EHMT1: variants seen among roughly 807,000 people sequenced by gnomAD.
EHMT1 encodes euchromatic histone lysine methyltransferase 1.
EHMT1 carries 15 observed loss-of-function variants against 147.2 expected under a neutral mutation model. That is an observed-to-expected ratio of 0.10 (90% CI 0.07 to 0.16). The LOEUF (loss-of-function observed/expected upper bound fraction) is 0.16, where lower values mean the gene tolerates loss of function less well. Ranked by LOEUF, EHMT1 falls within the 10% of genes least tolerant of loss-of-function variation. The pLI is 1.00. For synonymous variants in EHMT1, 795 were observed against 709.6 expected, an observed-to-expected ratio of 1.12 and a Z score of -1.91; for missense variants, 1,587 against 1,772.4, an observed-to-expected ratio of 0.90 and a Z score of 1.88.
intron 1 of EHMT1, among the ~76,000 whole-genome samples, chr9:137,623,768 G>T (rs1843085396): frequency 6.6e-6 from 1 of 152,154 alleles, no homozygotes; most frequent in African/African-American, 2.4e-5. Context: ...TGGCTGGTAG[G>T]TTGGAAAGTC....
chr9:137,629,064 C>G (rs529689235), intron 1 of EHMT1, among the ~76,000 whole-genome samples: 1 of 151,072 alleles, frequency 6.6e-6, no homozygotes, highest in East Asian at 1.9e-4. Context: ...ACTCAGCAAA[C>G]CAGGTAGGGA....
chr9:137,823,180 G>A (rs1346855688), intron 25 of EHMT1, among the ~76,000 whole-genome samples: 7 of 144,996 alleles, frequency 4.8e-5, no homozygotes, highest in Non-Finnish European at 7.5e-5. Context: ...CTCACTGCAA[G>A]CTCCGTCTCC....
At chr9:137,810,942 C>CT (rs1407926081) in intron 18 of EHMT1, among the ~76,000 whole-genome samples, 2 of 152,178 alleles carry the variant, frequency 1.3e-5, no homozygotes, top group African/African-American at 2.4e-5. Flanking sequence ...CTCAGGTGAT[C>CT]TACCTGCCTT....
At chr9:137,654,017 C>G (rs968722332) in intron 1 of EHMT1, among the ~76,000 whole-genome samples, 2 of 152,138 alleles carry the variant, frequency 1.3e-5, no homozygotes, top group Non-Finnish European at 2.9e-5. Context: ...ATGGCTCTCC[C>G]GGTGTCCTAG....
At chr9:137,698,098 T>C (rs1216764712) in intron 1 of EHMT1, among the ~76,000 whole-genome samples, 1 of 151,444 alleles carries the variant, frequency 6.6e-6, no homozygotes, top group East Asian at 1.9e-4. Flanking sequence ...TGGCTTTCAC[T>C]CCAGCCTCCT....
At chr9:137,815,897 T>TC (rs1564815625) in intron 22 of EHMT1, 50 bp from the exon 23 acceptor site, 1 of 1,462,166 alleles carries the variant, frequency 6.8e-7, no homozygotes, top group Admixed American at 1.9e-5. Flanking sequence ...GTCAGTTCAA[T>TC]TAAAGAGTGA....
At chr9:137,654,836 A>G (rs976477145) in intron 1 of EHMT1, among the ~76,000 whole-genome samples, 8 of 152,150 alleles carry the variant, frequency 5.3e-5, no homozygotes, top group African/African-American at 1.9e-4. Flanking sequence ...CTGAGCCCAC[A>G]GGGTGGTCAG....
intron 4 of EHMT1, among the ~76,000 whole-genome samples, chr9:137,737,167 G>T (rs1296307309): frequency 6.6e-6 from 1 of 151,900 alleles, no homozygotes; most frequent in Non-Finnish European, 1.5e-5. Context: ...AGCCATGATT[G>T]TATCACTGCA....
At chr9:137,725,847 C>A (rs1427214093) in intron 3 of EHMT1, among the ~76,000 whole-genome samples, 1 of 152,106 alleles carries the variant, frequency 6.6e-6, no homozygotes, top group African/African-American at 2.4e-5. Context: ...CCCTGGCACA[C>A]CCCTCTCATC....
At chr9:137,795,401 G>GCACACACACA (rs554055210) in intron 16 of EHMT1, among the ~76,000 whole-genome samples, 7,376 of 130,168 alleles carry the variant, frequency 0.057, 633 homozygotes, top group African/African-American at 0.18. Context: ...ATCGCAGGGT[G>GCACACACACA]CACACACACA....
At position 137,639,086 on chromosome 9, in the gene EHMT1, C is replaced by T. The variant is rs548593260; in HGVS notation, c.21+20037C>T. Among the ~76,000 whole-genome samples, 3 of 152,126 alleles carry T rather than the reference C, an allele frequency of 2.0e-5. No individual in the cohort carries two copies. The South Asian group carries it at 6.2e-4, about 32-fold the overall frequency. On this transcript the variant is annotated intron_variant, in intron 1 of 26. Coordinates refer to ENST00000460843, the MANE Select transcript of EHMT1 (RefSeq NM_024757.5). ...TTCAGTTCAGAATATTTTCTATTTT[C>T]CCTTGTGACTTTAGAAGTGTGTCAT...
intron 4 of EHMT1, among the ~76,000 whole-genome samples, chr9:137,736,535 G>T (rs1414694961): frequency 6.6e-6 from 1 of 152,214 alleles, no homozygotes; most frequent in African/African-American, 2.4e-5. Context: ...AGTGCACCTG[G>T]AAGACTTTCT....
At chr9:137,756,532 G>T (rs560765826) in intron 8 of EHMT1, among the ~76,000 whole-genome samples, 37 of 152,316 alleles carry the variant, frequency 2.4e-4, no homozygotes, top group Middle Eastern at 6.8e-3. Flanking sequence ...CACCATGGAG[G>T]CTCCTGGCGT....
rs1181388348 is a variant in EHMT1 at position 137,817,543 on chromosome 9, T to A, written c.3461+18T>A. ...GTCTGCGAGTGAGTGAGTCCCTGGGTCACCCCAAGCCTGGTGTCATTTCTG... is the reference window on the plus strand; with the variant it reads ...GTCTGCGAGTGAGTGAGTCCCTGGGACACCCCAAGCCTGGTGTCATTTCTG... On this transcript the variant is annotated intron_variant, in intron 24 of 26. Transcript: ENST00000460843. 2.5e-6 allele frequency: 4 copies of A among 1,613,944 alleles called. No individual in the cohort carries two copies. Among genetic ancestry groups the A allele is most frequent in the Non-Finnish European group, 3.4e-6 (4 of 1,179,980 alleles).
intron 1 of EHMT1, among the ~76,000 whole-genome samples, chr9:137,706,592 T>C (rs1014787883): frequency 6.6e-6 from 1 of 152,146 alleles, no homozygotes; most frequent in Non-Finnish European, 1.5e-5. Flanking sequence ...GTTAAAGATA[T>C]TCTCCTGCCT....
chr9:137,794,154 T>A (rs1007493742), intron 16 of EHMT1, among the ~76,000 whole-genome samples: 2 of 152,234 alleles, frequency 1.3e-5, no homozygotes, highest in African/African-American at 4.8e-5. Context: ...TCATTAAATA[T>A]TATTCTTTGA....
intron 15 of EHMT1, 53 bp from the exon 16 acceptor site, chr9:137,790,795 G>C (rs1041959125): frequency 6.2e-5 from 100 of 1,614,026 alleles, no homozygotes; most frequent in Middle Eastern, 1.7e-4. Flanking sequence ...CTTCTCCCCA[G>C]GCGGTGGCTA....
intron 1 of EHMT1, among the ~76,000 whole-genome samples, chr9:137,698,927 A>G (rs1447790692): frequency 1.3e-5 from 2 of 150,586 alleles, no homozygotes; most frequent in African/African-American, 2.5e-5. Context: ...CCCACTATAC[A>G]TTGTTTATTT....
chr9:137,739,245 A>T (rs1405116282), intron 4 of EHMT1, among the ~76,000 whole-genome samples: 1 of 151,590 alleles, frequency 6.6e-6, no homozygotes, highest in Admixed American at 6.6e-5. Flanking sequence ...TGGCCCAGGT[A>T]CTCAGGAGGC....
Sources: allele counts gnomAD v4.1 joint callset (sites outside exome capture counted in the v4.1 genomes callset), GRCh38; gene constraint gnomAD v4.1.1; transcripts MANE v1.5; gene names NCBI Gene and HGNC (gene_info 2026-07-23, HGNC 2026-07-21).